BCAR3: variants seen among roughly 807,000 people sequenced by gnomAD.
BCAR3 encodes BCAR3 adaptor protein, NSP family member.
Under a neutral mutation model 80.1 loss-of-function variants are expected in BCAR3, and 37 were observed. The observed-to-expected ratio is 0.46, with a 90% CI of 0.36 to 0.61. The LOEUF (loss-of-function observed/expected upper bound fraction) is 0.61. Among genes scored for constraint, BCAR3 ranks in the 20% least tolerant of loss-of-function variants. BCAR3 has a pLI of 0.00. For missense variants in BCAR3, 978 were observed against 1,068.2 expected (o/e 0.92, Z 1.18); for synonymous variants, 389 against 418.9 (o/e 0.93, Z 0.87).
At chr1:93,787,870 A>G (rs1328316127) in intron 2 of BCAR3, among the ~76,000 whole-genome samples, 1 of 152,134 alleles carries the variant, frequency 6.6e-6, no homozygotes, top group African/African-American at 2.4e-5. Context: ...TCCTTTGTTG[A>G]CGCTCTGTCT....
At chr1:93,585,189 C>T (rs985575305) in intron 5 of BCAR3, 28 of 985,550 alleles carry the variant, frequency 2.8e-5, no homozygotes, top group South Asian at 4.7e-5. Context: ...CACACACCTT[C>T]GCCCAGGGCA....
rs1378777785 is a variant in BCAR3, at chr1:93,825,195, C to T, written c.-63+20372G>A. On this transcript the variant is annotated intron_variant, in intron 2 of 13. Transcript: ENST00000370244. The stretch of plus-strand genomic sequence containing the variant: ...ATGATACAATACTGGAGTGCTAACG[C>T]CTATGTCCCCCACTCAGCCTCAGGG... Among the ~76,000 whole-genome samples, 21 of 133,540 alleles carry T rather than the reference C, an allele frequency of 1.6e-4. 3 individuals carry two copies. Among genetic ancestry groups the T allele is most frequent in the African/African-American group, 4.8e-4 (19 of 39,806 alleles). The allele number at this position is 133,540 out of a possible 152,430, so 87.6% of individuals were successfully genotyped here.
intron 2 of BCAR3, among the ~76,000 whole-genome samples, chr1:93,653,453 T>C (rs1647213165): frequency 6.6e-6 from 1 of 152,236 alleles, no homozygotes; most frequent in Non-Finnish European, 1.5e-5. Context: ...TTATATATGC[T>C]CTTTCCCTCT....
At chr1:93,765,067 G>A (rs72723114) in intron 2 of BCAR3, among the ~76,000 whole-genome samples, 10,922 of 152,182 alleles carry the variant, frequency 0.072, 441 homozygotes, top group South Asian at 0.094. Flanking sequence ...TGGACATCCC[G>A]GGGGCTACTC....
chr1:93,656,811 G>A (rs1352511073), intron 2 of BCAR3, among the ~76,000 whole-genome samples: 3 of 152,010 alleles, frequency 2.0e-5, no homozygotes, highest in African/African-American at 7.2e-5. Flanking sequence ...GCTATGTTGA[G>A]CCTCTTGCCT....
At chr1:93,740,483 G>A (rs1651138664) in intron 2 of BCAR3, among the ~76,000 whole-genome samples, 1 of 152,200 alleles carries the variant, frequency 6.6e-6, no homozygotes, top group African/African-American at 2.4e-5. Flanking sequence ...CTTGCTCAGT[G>A]GGCCCTGGGT....
rs531474375 is a variant in BCAR3 at position 93,688,381 on chromosome 1, T to C, written c.-11-13440A>G. Among the ~76,000 whole-genome samples, 13 of 152,348 alleles carry C rather than the reference T, an allele frequency of 8.5e-5. 2 individuals are homozygous for C. The highest frequency in any genetic ancestry group is 3.1e-4 in the African/African-American group (13 of 41,572). On this transcript the variant is annotated intron_variant, in intron 3 of 13. Transcript: ENST00000370244. Reference sequence around the variant, plus strand: ...ACTCTTATCACCGGACTCTGGAGCCTGTTTCCCATTTACATCCTCAGTCTA... The same window carrying C: ...ACTCTTATCACCGGACTCTGGAGCCCGTTTCCCATTTACATCCTCAGTCTA...
Position 93,561,778 on chromosome 1 carries a change from C to G in BCAR3, c.*463G>C, listed in dbSNP as rs1385573328. 1 of 152,774 alleles carries G rather than the reference C, an allele frequency of 6.5e-6. No homozygotes were observed. Among genetic ancestry groups the G allele is most frequent in the African/African-American group, 2.4e-5 (1 of 41,424 alleles). The allele number at this position is 152,774 out of a possible 1,614,324, so 9.5% of individuals were successfully genotyped here. ...GATGAGTTGTTTAATATGAAAGAGA[C>G]TGGATACAACTGTTTCACAAAAAGA... On this transcript the variant is annotated 3_prime_UTR_variant, in exon 12 of 12. Coordinates refer to ENST00000260502, the MANE Select transcript of BCAR3 (RefSeq NM_003567.4).
At chr1:93,817,857 C>T (rs1318781080) in intron 2 of BCAR3, among the ~76,000 whole-genome samples, 1 of 152,120 alleles carries the variant, frequency 6.6e-6, no homozygotes, top group African/African-American at 2.4e-5. Context: ...CCAAGGGGCT[C>T]TCCTCCTCCC....
intron 2 of BCAR3, among the ~76,000 whole-genome samples, chr1:93,759,198 G>T (rs977911711): frequency 1.3e-5 from 2 of 152,138 alleles, no homozygotes; most frequent in Non-Finnish European, 2.9e-5. Flanking sequence ...GTCTGAAAAG[G>T]CTTTTGCCAC....
At chr1:93,842,826 C>T (rs539604152) in intron 2 of BCAR3, among the ~76,000 whole-genome samples, 2 of 152,298 alleles carry the variant, frequency 1.3e-5, no homozygotes, top group East Asian at 1.9e-4. Context: ...CCATCCAACC[C>T]TCATTTTTGT....
chr1:93,585,133 T>A, intron 5 of BCAR3: 1 of 980,790 alleles, frequency 1.0e-6, no homozygotes, highest in Non-Finnish European at 1.2e-6. Context: ...GCGGCTGGAC[T>A]CCAGGGGCCA....
At chr1:93,589,461 T>C in intron 4 of BCAR3, 42 bp from the exon 5 acceptor site, 1 of 1,523,194 alleles carries the variant, frequency 6.6e-7, no homozygotes, top group Non-Finnish European at 8.9e-7. Context: ...AAAGGCAAAT[T>C]CACATTCCTT....
intron 2 of BCAR3, among the ~76,000 whole-genome samples, chr1:93,789,814 A>C (rs950945868): frequency 6.6e-6 from 1 of 152,194 alleles, no homozygotes; most frequent in Non-Finnish European, 1.5e-5. Flanking sequence ...GAGAAACAAG[A>C]TCAGGATTGC....
chr1:93,784,467 G>A (rs1385820500), intron 2 of BCAR3, among the ~76,000 whole-genome samples: 1 of 152,150 alleles, frequency 6.6e-6, no homozygotes, highest in African/African-American at 2.4e-5. Context: ...CTACTCCTAA[G>A]TGCCAGCAGT....
chr1:93,566,480 T>C (rs1056059494), intron 11 of BCAR3, among the ~76,000 whole-genome samples: 3 of 152,130 alleles, frequency 2.0e-5, no homozygotes, highest in African/African-American at 7.2e-5. Context: ...ACATGTGTGA[T>C]AAATGCCGGC....
At chr1:93,812,866 A>G (rs1449316303) in intron 2 of BCAR3, among the ~76,000 whole-genome samples, 1 of 152,236 alleles carries the variant, frequency 6.6e-6, no homozygotes, top group Non-Finnish European at 1.5e-5. Flanking sequence ...CAGAATTCCA[A>G]TAGTCCTCCA....
chr1:93,620,981 A>C (rs1675288687), intron 3 of BCAR3, among the ~76,000 whole-genome samples: 1 of 152,092 alleles, frequency 6.6e-6, no homozygotes, highest in African/African-American at 2.4e-5. Context: ...CCCTATCTCC[A>C]CCTAGAAAGG....
upstream of BCAR3, among the ~76,000 whole-genome samples, chr1:93,685,088 T>C (rs1348453048): frequency 6.6e-6 from 1 of 152,218 alleles, no homozygotes; most frequent in African/African-American, 2.4e-5. Context: ...ACATTCACAT[T>C]TGTATCCCCT....
Sources: gnomAD v4.1 joint callset for allele counts (sites outside exome capture counted in the v4.1 genomes callset) on GRCh38, gnomAD v4.1.1 for gene constraint, MANE v1.5 for transcripts, NCBI Gene and HGNC (gene_info 2026-07-23, HGNC 2026-07-21) for gene names.